Variants in AAAS observed in about 807,000 individuals in gnomAD.
AAAS encodes the protein aladin.
A neutral mutation model predicts 75.6 loss-of-function variants in AAAS; 60 were observed. That is an observed-to-expected ratio of 0.79 (90% confidence interval 0.64 to 0.98). AAAS has a LOEUF of 0.98. Among genes scored for constraint, AAAS ranks in the 50% least tolerant of loss-of-function variants. AAAS has a pLI of 0.00. For missense variants in AAAS, 658 were observed against 686.9 expected, an observed-to-expected ratio of 0.96 and a Z score of 0.47; for synonymous variants, 271 against 265.0, an observed-to-expected ratio of 1.02 and a Z score of -0.22.
At position 53,315,406 on chromosome 12, in the gene AAAS, C is replaced by T. The variant is rs758441758; in HGVS notation, c.328G>A (p.Ala110Thr). 6.2e-7 allele frequency: 1 copy of T among 1,613,414 alleles called. No individual in the cohort carries two copies. The highest frequency in any genetic ancestry group is 1.7e-5 in the Admixed American group (1 of 59,988). ...EEEVFEWVKT[A>T]SGWALALCRW... ...CAGAGTGCCAGGGCCCAGCCGGATGCCGTCTTCACCCACTCAAACACTGTA... is the reference window on the plus strand; with the variant it reads ...CAGAGTGCCAGGGCCCAGCCGGATGTCGTCTTCACCCACTCAAACACTGTA... The change falls in exon 4 of 16, where the codon GCA becomes ACA. Residue 110 changes from alanine to threonine, a missense_variant. Physicochemically the swap from Ala to Thr is moderately conservative, Grantham distance 58. Coordinates refer to ENST00000209873, the MANE Select transcript of AAAS (RefSeq NM_015665.6).
chr12:53,318,033 A>C (rs1944490242), intron 2 of AAAS, among the ~76,000 whole-genome samples: 1 of 152,048 alleles, frequency 6.6e-6, no homozygotes, highest in African/African-American at 2.4e-5. Flanking sequence ...CACTGCATTT[A>C]TTTTTATTTT....
chr12:53,315,310 G>A (rs766470252), intron 4 of AAAS, 25 bp downstream of exon 4: 1 of 1,612,242 alleles, frequency 6.2e-7, no homozygotes, highest in South Asian at 1.1e-5. Flanking sequence ...CAAATGCAGA[G>A]GGCTGGGGAG....
chr12:53,318,590 T>C (rs1944503474), intron 2 of AAAS, among the ~76,000 whole-genome samples: 1 of 152,100 alleles, frequency 6.6e-6, no homozygotes, highest in Admixed American at 6.6e-5. Flanking sequence ...AAGTAGAAAG[T>C]AGCAGTCAGG....
intron 7 of AAAS, among the ~76,000 whole-genome samples, chr12:53,312,797 AT>A (rs1944409032): frequency 6.7e-6 from 1 of 149,272 alleles, no homozygotes; most frequent in Non-Finnish European, 1.5e-5. Flanking sequence ...ATATATATAT[AT>A]ACGTGTATAT....
At position 53,315,154 on chromosome 12, in the gene AAAS, A is replaced by C; in HGVS notation, c.400-14T>G. 1.9e-6 allele frequency: 3 copies of C among 1,614,172 alleles called. No individual in the cohort carries two copies. On this transcript the variant is annotated splice_polypyrimidine_tract_variant and intron_variant, in intron 4 of 15. Transcript: ENST00000209873. The stretch of plus-strand genomic sequence containing the variant: ...TTCGCTCCTGAGCTGTAAGAACAAG[A>C]TAGACACAGGACACACTGGGGCAAA...
chr12:53,312,960 G>GACT (rs1944413394), intron 7 of AAAS, among the ~76,000 whole-genome samples: 6 of 150,786 alleles, frequency 4.0e-5, no homozygotes, highest in Admixed American at 4.0e-4. Context: ...AGGTTCAAGT[G>GACT]ACTCTCCTGC....
chr12:53,309,627 C>G lies in AAAS; in HGVS notation c.784G>C (p.Ala262Pro). Residue 262 changes from alanine (A) to proline (P), a missense_variant, in exon 8 of 16, where the codon GCT becomes CCT. By Grantham distance (27) the Ala-to-Pro change is conservative. Transcript: ENST00000209873. ...WAPSGGRLLS[A>P]SPVDAAIRVW... The stretch of plus-strand genomic sequence containing the variant: ...CGGATAGCAGCATCCACGGGTGAAG[C>G]TGAGAGCAGCCGCCCCCCACTGGGG... 2 of 1,613,634 alleles carry G rather than the reference C, an allele frequency of 1.2e-6. No individual in the cohort carries two copies. The highest frequency in any genetic ancestry group is 1.7e-6 in the Non-Finnish European group (2 of 1,179,910).
intron 2 of AAAS, among the ~76,000 whole-genome samples, chr12:53,317,285 C>T (rs1036066779): frequency 2.0e-5 from 3 of 151,614 alleles, no homozygotes; most frequent in Non-Finnish European, 2.9e-5. Context: ...TGGCCAGGTG[C>T]GGTGGCTCAC....
At chr12:53,312,036 A>C (rs931233294) in intron 7 of AAAS, among the ~76,000 whole-genome samples, 1 of 152,158 alleles carries the variant, frequency 6.6e-6, no homozygotes, top group Admixed American at 6.5e-5. Context: ...AACAAAAAAA[A>C]GGGAGGACAG....
intron 2 of AAAS, among the ~76,000 whole-genome samples, chr12:53,319,253 T>C (rs1281825207): frequency 1.3e-5 from 2 of 151,686 alleles, no homozygotes; most frequent in Non-Finnish European, 2.9e-5. Flanking sequence ...ACTGGCACAA[T>C]CTTGGCTCAC....
intron 7 of AAAS, among the ~76,000 whole-genome samples, chr12:53,310,573 A>G (rs1565778826): frequency 6.6e-6 from 1 of 152,086 alleles, no homozygotes; most frequent in Non-Finnish European, 1.5e-5. Flanking sequence ...AAAAAAAAAA[A>G]AAAGATGCAG....
At chr12:53,309,981 C>A in intron 7 of AAAS, 2 of 537,802 alleles carry the variant, frequency 3.7e-6, no homozygotes, top group South Asian at 4.1e-5. Flanking sequence ...AGTGCTTTCA[C>A]GAGATAGGCC....
At chr12:53,309,097 T>TC in intron 9 of AAAS, 60 bp downstream of exon 9, 1 of 1,614,178 alleles carries the variant, frequency 6.2e-7, no homozygotes, top group Non-Finnish European at 8.5e-7. Context: ...TGACAGAGCT[T>TC]CCAGGAGCTA....
At chr12:53,317,701 C>A (rs1274509176) in intron 2 of AAAS, among the ~76,000 whole-genome samples, 8 of 151,692 alleles carry the variant, frequency 5.3e-5, no homozygotes, top group African/African-American at 1.9e-4. Flanking sequence ...GAGATCACGC[C>A]ACTGCACTCC....
chr12:53,310,662 G>A (rs904444460), intron 7 of AAAS, among the ~76,000 whole-genome samples: 1 of 152,042 alleles, frequency 6.6e-6, no homozygotes, highest in African/African-American at 2.4e-5. Flanking sequence ...TATTTCCAGA[G>A]CCATGTGCCT....
intron 1 of AAAS, 36 bp downstream of exon 1, chr12:53,321,307 A>C: frequency 1.2e-6 from 2 of 1,603,170 alleles, no homozygotes; most frequent in South Asian, 1.1e-5. Context: ...CTCCGCCCCC[A>C]TGCCTGTAGG....
At chr12:53,311,265 A>T (rs1462724951) in intron 7 of AAAS, among the ~76,000 whole-genome samples, 7 of 151,974 alleles carry the variant, frequency 4.6e-5, no homozygotes, top group Admixed American at 2.0e-4. Context: ...TCATTTATTT[A>T]AAAAAATTTT....
intron 2 of AAAS, among the ~76,000 whole-genome samples, chr12:53,320,047 GA>G (rs1381540857): frequency 6.6e-6 from 1 of 151,978 alleles, no homozygotes; most frequent in African/African-American, 2.4e-5. Context: ...TTGAACCTGG[GA>G]GGTGGAAGTT....
chr12:53,315,758 C>T lies in AAAS; in HGVS notation c.276G>A (p.Val92=), dbSNP rs762780499. The change falls in exon 3 of 16, where the codon GTG becomes GTA. Residue 92 remains valine, a synonymous_variant. Transcript: ENST00000209873. ...CTTCTGAGTTTGCAATTTCATTTAG[C>T]ACCCCAAAAAGGCCCACATCACGCC... ...NIWRDVGLFG[V]LNEIANSEEE... The T allele has an allele frequency of 7.4e-6, 12 of 1,613,776 alleles. No individual in the cohort carries two copies. In the African/African-American group the frequency reaches 1.5e-4, roughly 20 times the overall value.
Sources: allele counts gnomAD v4.1 joint callset (sites outside exome capture counted in the v4.1 genomes callset), GRCh38; gene constraint gnomAD v4.1.1; transcripts MANE v1.5; gene names NCBI Gene and HGNC (gene_info 2026-07-23, HGNC 2026-07-21).